IQUB: variants seen among roughly 807,000 people sequenced by gnomAD.
The protein encoded by IQUB is IQ motif and ubiquitin-like domain-containing protein.
Under a neutral mutation model 86.4 loss-of-function variants are expected in IQUB, and 86 were observed. That is an observed-to-expected ratio of 1.00 (90% CI 0.84 to 1.19). IQUB has a LOEUF of 1.19. IQUB is among the 50% of genes most tolerant of loss of function. The probability of loss-of-function intolerance (pLI) is 0.00; values close to 1 mark genes in which losing one functional copy is unlikely to be tolerated. For missense variants in IQUB, 946 were observed against 916.9 expected (o/e 1.03, Z -0.41); for synonymous variants, 289 against 304.5 (o/e 0.95, Z 0.53).
intron 1 of IQUB, among the ~76,000 whole-genome samples, chr7:123,512,992 C>T (rs1055968966): frequency 3.3e-5 from 5 of 152,106 alleles, no homozygotes. Context: ...GATGCAGGAG[C>T]TAAATCAGAG....
chr7:123,488,682 G>A (rs1322407615), intron 7 of IQUB, among the ~76,000 whole-genome samples: 1 of 152,128 alleles, frequency 6.6e-6, no homozygotes, highest in East Asian at 1.9e-4. Context: ...CCAAGAAAGA[G>A]CAATCAGTAT....
chr7:123,517,530 C>CAAAAAAAA (rs374712007), intron 1 of IQUB, among the ~76,000 whole-genome samples: 5 of 22,432 alleles, frequency 2.2e-4, no homozygotes, highest in African/African-American at 4.0e-4. Context: ...GACTCCATCT[C>CAAAAAAAA]AAAAAAAAAA....
rs942313346 is a variant in IQUB, at chr7:123,511,877, C to T, written c.397+67G>A. 8.0e-6 allele frequency: 10 copies of T among 1,243,070 alleles called. No individual in the cohort carries two copies. In the African/African-American group the frequency reaches 1.4e-4, roughly 17 times the overall value. The allele number at this position is 1,243,070 out of a possible 1,614,324, so 77.0% of individuals were successfully genotyped here. ...AAACAAATCTTTAAGCAAAAATAAG[C>T]CAACAAGAAAACGCATTCATTCTTC... On this transcript the variant is annotated intron_variant, in intron 2 of 12. Transcript: ENST00000324698.
intron 8 of IQUB, among the ~76,000 whole-genome samples, chr7:123,474,690 T>C (rs755415717): frequency 6.6e-6 from 1 of 152,246 alleles, no homozygotes; most frequent in Non-Finnish European, 1.5e-5. Context: ...AATTAGGCTA[T>C]GTGCACTGAC....
chr7:123,511,681 C>T (rs1044624335), intron 2 of IQUB, among the ~76,000 whole-genome samples: 2 of 152,056 alleles, frequency 1.3e-5, no homozygotes, highest in Non-Finnish European at 2.9e-5. Context: ...TTAAAACCTA[C>T]TTTCTTTGAA....
At chr7:123,523,922 G>A (rs1160028063) in intron 1 of IQUB, among the ~76,000 whole-genome samples, 1 of 152,034 alleles carries the variant, frequency 6.6e-6, no homozygotes, top group Admixed American at 6.6e-5. Flanking sequence ...TTCTCCATAT[G>A]GCTAGCCAGT....
At position 123,512,071 on chromosome 7, in the gene IQUB, A is replaced by G. The variant is rs775544584; in HGVS notation, c.270T>C (p.Tyr90=). 2 of 1,614,086 alleles carry G rather than the reference A, an allele frequency of 1.2e-6. No homozygotes were observed. The highest frequency in any genetic ancestry group is 1.7e-6 in the Non-Finnish European group (2 of 1,179,976). The change falls in exon 2 of 13, where the codon TAT becomes TAC. Residue 90 remains tyrosine, a synonymous_variant. Transcript: ENST00000324698. The part of the protein sequence containing the change: ...EEVISPRQVS[Y]TPQHHEKQYA... Reference sequence around the variant, plus strand: ...ATTGCTTTTCATGATGTTGCGGAGTATATGAAACTTGTCTTGGTGATATAA... The same window carrying G: ...ATTGCTTTTCATGATGTTGCGGAGTGTATGAAACTTGTCTTGGTGATATAA...
chr7:123,471,220 TA>T (rs1247946857), intron 8 of IQUB, among the ~76,000 whole-genome samples: 3 of 152,204 alleles, frequency 2.0e-5, no homozygotes, highest in African/African-American at 7.2e-5. Flanking sequence ...ATTAAAAGCT[TA>T]TAAGGAAAAT....
intron 1 of IQUB, among the ~76,000 whole-genome samples, chr7:123,522,810 G>C (rs190537293): frequency 6.6e-6 from 1 of 151,142 alleles, no homozygotes; most frequent in Non-Finnish European, 1.5e-5. Flanking sequence ...CCATTAACTC[G>C]TCATCTAGCA....
intron 11 of IQUB, 139 bp downstream of exon 11, chr7:123,461,218 C>A (rs1793964140): frequency 1.2e-6 from 1 of 855,744 alleles, no homozygotes; most frequent in Non-Finnish European, 1.8e-6. Flanking sequence ...AAAGCATACT[C>A]CTGCCCTCAC....
chr7:123,467,386 CCT>C (rs879397747), intron 9 of IQUB, among the ~76,000 whole-genome samples: 12 of 152,012 alleles, frequency 7.9e-5, no homozygotes, highest in Non-Finnish European at 1.5e-4. Context: ...CCGACAATTC[CCT>C]GTGCTGAAGA....
chr7:123,519,830 C>T (rs1449999914), intron 1 of IQUB, among the ~76,000 whole-genome samples: 2 of 152,130 alleles, frequency 1.3e-5, no homozygotes, highest in Non-Finnish European at 2.9e-5. Context: ...GACAAGGTAA[C>T]AGATATCCTA....
chr7:123,524,913 G>T (rs1041826249), intron 1 of IQUB, among the ~76,000 whole-genome samples: 22 of 151,734 alleles, frequency 1.4e-4, no homozygotes, highest in Non-Finnish European at 2.8e-4. Context: ...AGCATGAAGT[G>T]TTGTTGAATT....
chr7:123,475,403 T>C (rs1794705003), intron 8 of IQUB, among the ~76,000 whole-genome samples: 1 of 149,084 alleles, frequency 6.7e-6, no homozygotes, highest in African/African-American at 2.5e-5. Context: ...TTGGTGAGAT[T>C]TACATGAAGA....
chr7:123,530,427 T>C (rs1460148363), intron 1 of IQUB, among the ~76,000 whole-genome samples: 3 of 151,442 alleles, frequency 2.0e-5, no homozygotes, highest in Non-Finnish European at 2.9e-5. Context: ...AGAGGGAGAC[T>C]CTGAAAAAAA....
intron 7 of IQUB, among the ~76,000 whole-genome samples, chr7:123,494,424 TGAA>T (rs1168253785): frequency 6.6e-6 from 1 of 152,038 alleles, no homozygotes; most frequent in Non-Finnish European, 1.5e-5. Flanking sequence ...GAATATGAAA[TGAA>T]GAAAATTACA....
chr7:123,512,096 A>T lies in IQUB; in HGVS notation c.245T>A (p.Val82Asp). 6.2e-7 allele frequency: 1 copy of T among 1,613,954 alleles called. No homozygotes were observed. The highest frequency in any genetic ancestry group is 1.1e-5 in the South Asian group (1 of 91,060). Residue 82 changes from valine (V) to aspartate (D), a missense_variant, in exon 2 of 13, where the codon GTT (valine) becomes GAT (aspartate). By Grantham distance (152) the Val-to-Asp change is radical. Coordinates refer to ENST00000324698, the MANE Select transcript of IQUB (RefSeq NM_178827.5). ...ATATGAAACTTGTCTTGGTGATATA[A>T]CCTCTTCCATGAGTTGTTCATTGTC... ...EPDNEQLMEE[V>D]ISPRQVSYTP...
At chr7:123,477,386 A>G (rs1484079310) in intron 8 of IQUB, among the ~76,000 whole-genome samples, 1 of 152,250 alleles carries the variant, frequency 6.6e-6, no homozygotes, top group Non-Finnish European at 1.5e-5. Flanking sequence ...GGCTAGCCAT[A>G]TGGAGAAAGC....
chr7:123,515,481 A>G (rs1347163636), intron 1 of IQUB, among the ~76,000 whole-genome samples: 1 of 152,202 alleles, frequency 6.6e-6, no homozygotes, highest in Non-Finnish European at 1.5e-5. Context: ...AAGAATACAT[A>G]TAGAAGGCAA....
Sources: allele counts gnomAD v4.1 joint callset (sites outside exome capture counted in the v4.1 genomes callset), GRCh38; gene constraint gnomAD v4.1.1; transcripts MANE v1.5; gene names NCBI Gene and HGNC (gene_info 2026-07-23, HGNC 2026-07-21).